Variants in ITFG1 observed in about 807,000 individuals in gnomAD.
ITFG1 encodes the protein T-cell immunomodulatory protein.
Under a neutral mutation model 81.8 loss-of-function variants are expected in ITFG1, and 34 were observed. The observed-to-expected ratio is 0.42, with a 90% CI of 0.32 to 0.55. The LOEUF (loss-of-function observed/expected upper bound fraction) is 0.55, where lower values mean the gene tolerates loss of function less well. ITFG1 is among the 20% of genes least tolerant of loss of function. The pLI is 0.17. For missense variants in ITFG1, 672 were observed against 755.4 expected, an observed-to-expected ratio of 0.89 and a Z score of 1.29; for synonymous variants, 285 against 270.6, an observed-to-expected ratio of 1.05 and a Z score of -0.52.
intron 14 of ITFG1, among the ~76,000 whole-genome samples, chr16:47,176,970 T>A (rs1965035229): frequency 6.6e-6 from 1 of 151,326 alleles, no homozygotes; most frequent in South Asian, 2.1e-4. Flanking sequence ...TTTTTTTTTT[T>A]TAAACAGAGA....
At chr16:47,205,854 ATCTATCTATC>A in intron 14 of ITFG1, among the ~76,000 whole-genome samples, 1 of 150,348 alleles carries the variant, frequency 6.7e-6, no homozygotes, top group South Asian at 2.1e-4. Flanking sequence ...CTATCTATCT[ATCTATCTATC>A]TATCTATCTA....
At chr16:47,368,861 T>C (rs147081790) in intron 7 of ITFG1, among the ~76,000 whole-genome samples, 2 of 152,262 alleles carry the variant, frequency 1.3e-5, no homozygotes, top group African/African-American at 2.4e-5. Context: ...TGAGCATCAA[T>C]AGAAGAGCAA....
chr16:47,155,910 C>A, intron 17 of ITFG1, 132 bp from the exon 18 acceptor site: 4 of 585,244 alleles, frequency 6.8e-6, no homozygotes, highest in Non-Finnish European at 1.2e-5. Context: ...TTTCCTAATT[C>A]AACAGTCCTA....
At chr16:47,401,756 A>T (rs1408016801) in intron 6 of ITFG1, among the ~76,000 whole-genome samples, 3 of 151,364 alleles carry the variant, frequency 2.0e-5, no homozygotes, top group Non-Finnish European at 4.4e-5. Flanking sequence ...CAGATTCATT[A>T]AAAAAAAATC....
chr16:47,181,942 G>A (rs1965129933), intron 14 of ITFG1, among the ~76,000 whole-genome samples: 2 of 152,072 alleles, frequency 1.3e-5, no homozygotes, highest in Non-Finnish European at 2.9e-5. Flanking sequence ...TGGATTAAGG[G>A]CGGTGCAAGA....
chr16:47,260,510 T>A, intron 11 of ITFG1, 35 bp downstream of exon 11: 4 of 1,605,612 alleles, frequency 2.5e-6, no homozygotes, highest in Non-Finnish European at 3.4e-6. Flanking sequence ...GAAAGGCAAT[T>A]AAACTTCAAA....
chr16:47,308,781 A>C (rs1461355363), intron 10 of ITFG1, among the ~76,000 whole-genome samples: 1 of 152,208 alleles, frequency 6.6e-6, no homozygotes, highest in Non-Finnish European at 1.5e-5. Context: ...GCTGCCAAAA[A>C]CTTTTTTTAT....
chr16:47,191,748 T>C (rs1222294421), intron 14 of ITFG1, among the ~76,000 whole-genome samples: 2 of 152,134 alleles, frequency 1.3e-5, no homozygotes, highest in African/African-American at 2.4e-5. Context: ...TTACCTCAGG[T>C]GAGGCCAGAG....
At chr16:47,193,895 T>G (rs972926689) in intron 14 of ITFG1, among the ~76,000 whole-genome samples, 8 of 152,216 alleles carry the variant, frequency 5.3e-5, no homozygotes, top group African/African-American at 1.7e-4. Flanking sequence ...TACCAAGTTA[T>G]TCAGAAATTC....
chr16:47,158,035 AC>A (rs1421991975), intron 17 of ITFG1, among the ~76,000 whole-genome samples: 1 of 152,244 alleles, frequency 6.6e-6, no homozygotes, highest in Non-Finnish European at 1.5e-5. Flanking sequence ...AGAGTATTAT[AC>A]TAAAGAACAG....
At chr16:47,300,955 T>C (rs888870733) in intron 10 of ITFG1, among the ~76,000 whole-genome samples, 15 of 152,184 alleles carry the variant, frequency 9.9e-5, no homozygotes, top group African/African-American at 2.9e-4. Context: ...CTTAGATAAA[T>C]CACTTAAGTT....
Position 47,225,649 on chromosome 16 carries a change from A to G in ITFG1, c.1375-6703T>C, listed in dbSNP as rs535222728. Among the ~76,000 whole-genome samples, 5 of 152,384 alleles carry G rather than the reference A, an allele frequency of 3.3e-5. No homozygotes were observed. In the South Asian group the frequency reaches 6.2e-4, roughly 19 times the overall value. On this transcript the variant is annotated intron_variant, in intron 13 of 17. Transcript: ENST00000320640. The stretch of plus-strand genomic sequence containing the variant: ...TAGAAGGCAATAGGATGATAAATTC[A>G]AAGTGTTAAAAGAAAAAGACTGTCA...
At chr16:47,258,454 CAA>C (rs764661735) in intron 12 of ITFG1, among the ~76,000 whole-genome samples, 176 bp downstream of exon 12, 11 of 152,080 alleles carry the variant, frequency 7.2e-5, no homozygotes, top group Non-Finnish European at 1.5e-4. Context: ...AAAGAAAAAA[CAA>C]TATTGTTGGG....
At chr16:47,288,823 G>T (rs1268328648) in intron 10 of ITFG1, among the ~76,000 whole-genome samples, 1 of 152,136 alleles carries the variant, frequency 6.6e-6, no homozygotes, top group Non-Finnish European at 1.5e-5. Context: ...TTGAACCCAA[G>T]AAGTGGAGGT....
At chr16:47,254,475 T>C (rs1966117554) in intron 12 of ITFG1, among the ~76,000 whole-genome samples, 1 of 152,124 alleles carries the variant, frequency 6.6e-6, no homozygotes, top group Non-Finnish European at 1.5e-5. Context: ...CCGTTCTACC[T>C]GGCTGGGGAC....
chr16:47,155,676 A>C lies in ITFG1; in HGVS notation c.*43T>G, dbSNP rs947657931. On this transcript the variant is annotated 3_prime_UTR_variant, in exon 18 of 18. Transcript: ENST00000320640. Reference sequence around the variant, plus strand: ...TCAAGCCAGAATTTGTGTTTCAACTAATCAAGTGAACAGCCATTCCATTAT... The same window carrying C: ...TCAAGCCAGAATTTGTGTTTCAACTCATCAAGTGAACAGCCATTCCATTAT... 7.5e-7 allele frequency: 1 copy of C among 1,335,410 alleles called. No individual in the cohort carries two copies. The highest frequency in any genetic ancestry group is 1.5e-5 in the African/African-American group (1 of 68,066). 82.7% of individuals were successfully genotyped at this position (1,335,410 alleles called of 1,614,324 possible). A position where few individuals can be genotyped will look rare whatever the true frequency, so the allele number is the denominator to read the frequency against.
chr16:47,266,135 A>T (rs1408491822), intron 10 of ITFG1, among the ~76,000 whole-genome samples: 1 of 152,208 alleles, frequency 6.6e-6, no homozygotes, highest in East Asian at 1.9e-4. Context: ...TGTTCAACAA[A>T]ATTAGCCATC....
chr16:47,367,304 T>C (rs1042597549), intron 7 of ITFG1, among the ~76,000 whole-genome samples: 1 of 152,206 alleles, frequency 6.6e-6, no homozygotes, highest in Non-Finnish European at 1.5e-5. Flanking sequence ...ATGGTTTCAT[T>C]ATGTAGGCAT....
At position 47,319,554 on chromosome 16, in the gene ITFG1, T is replaced by C. The variant is rs527827777; in HGVS notation, c.803-5731A>G. 3.9e-5 allele frequency among the ~76,000 whole-genome samples: 6 copies of C among 152,338 alleles called. No individual in the cohort carries two copies. In the East Asian group the frequency reaches 1.2e-3, roughly 29 times the overall value. On this transcript the variant is annotated intron_variant, in intron 8 of 17. Transcript: ENST00000320640. The stretch of plus-strand genomic sequence containing the variant: ...TACGCAGATGTGTTTTACGCATATT[T>C]TCCAACACAGACTATTATAAAGCTG...
Sources: allele counts gnomAD v4.1 joint callset (sites outside exome capture counted in the v4.1 genomes callset), GRCh38; gene constraint gnomAD v4.1.1; transcripts MANE v1.5; gene names NCBI Gene and HGNC (gene_info 2026-07-23, HGNC 2026-07-21).